EEF2: variants seen among roughly 807,000 people sequenced by gnomAD.
The protein encoded by EEF2 is elongation factor 2.
In EEF2, 21 loss-of-function variants were observed where a neutral mutation model predicts 85.3. The ratio of observed to expected loss-of-function variants is 0.25; its 90% CI spans 0.17 to 0.35. The LOEUF (loss-of-function observed/expected upper bound fraction) is 0.35. EEF2 is among the 10% of genes least tolerant of loss of function. The pLI is 1.00. For missense variants in EEF2, 825 were observed against 1,225.3 expected (o/e 0.67, Z 4.88); for synonymous variants, 723 against 508.8 (o/e 1.42, Z -5.67).
chr19:3,980,422 T>C, intron 9 of EEF2, 92 bp downstream of exon 9: 1 of 1,440,878 alleles, frequency 6.9e-7, no homozygotes, highest in East Asian at 2.3e-5. Flanking sequence ...CTATGCTCCT[T>C]ACTTCTAGCT....
At chr19:3,979,026 G>C (rs927694453) in intron 11 of EEF2, among the ~76,000 whole-genome samples, 1 of 151,970 alleles carries the variant, frequency 6.6e-6, no homozygotes, top group Non-Finnish European at 1.5e-5. Flanking sequence ...TACTCAGGAA[G>C]CTGAGTGAGG....
Position 3,979,816 on chromosome 19 carries a change from T to C in EEF2, c.1597A>G (p.Met533Val). The part of the protein sequence containing the change: ...GLKRLAKSDP[M>V]VQCIIEESGE... ...GTGCACTCCGTGCCCACCTGCACCA[T>C]GGGGTCGGACTTGGCCAGCCGCTTC... The change falls in exon 10 of 15, where the codon ATG becomes GTG. Residue 533 changes from methionine (M) to valine (V), a missense_variant. Physicochemically the swap from Met to Val is conservative, Grantham distance 21. Coordinates refer to ENST00000309311, the MANE Select transcript of EEF2 (RefSeq NM_001961.4). 1 of 1,612,542 alleles carries C rather than the reference T, an allele frequency of 6.2e-7. No individual in the cohort carries two copies. Among genetic ancestry groups the C allele is most frequent in the Non-Finnish European group, 8.5e-7 (1 of 1,179,616 alleles).
intron 11 of EEF2, among the ~76,000 whole-genome samples, chr19:3,978,737 A>G (rs558166620): frequency 7.1e-6 from 1 of 141,034 alleles, no homozygotes; most frequent in Admixed American, 7.6e-5. Context: ...TGGGAAGCAG[A>G]GCTTGCAGTG....
In EEF2 at chr19:3,982,556, G is replaced by A. The variant is rs74491743; in HGVS notation, c.613-132C>T. The stretch of plus-strand genomic sequence containing the variant: ...AGACATCTGGTCAAAGTGAAGAAAT[G>A]ATCAGTCATCACGAATAGGGGGGCC... On this transcript the variant is annotated intron_variant, in intron 4 of 14. Coordinates refer to ENST00000309311, the MANE Select transcript of EEF2 (RefSeq NM_001961.4). 7.7e-4 allele frequency: 986 copies of A among 1,283,324 alleles called. 5 individuals are homozygous for A. In the African/African-American group the frequency reaches 0.013, roughly 17 times the overall value. The allele number at this position is 1,283,324 out of a possible 1,614,324, so 79.5% of individuals were successfully genotyped here.
rs766418418 is a variant in EEF2, at chr19:3,982,506, G to A, written c.613-82C>T. 6 of 1,539,324 alleles carry A rather than the reference G, an allele frequency of 3.9e-6. No homozygotes were observed. In the South Asian group the frequency reaches 5.6e-5, roughly 14 times the overall value. ...TACGGGCTGGGCGCCTTGGGCATGG[G>A]CCTCAGACGCAGGCTTTCTTCAGTA... On this transcript the variant is annotated intron_variant, in intron 4 of 14. Transcript: ENST00000309311.
At chr19:3,979,593 G>T in intron 10 of EEF2, 157 bp from the exon 11 acceptor site, 1 of 923,556 alleles carries the variant, frequency 1.1e-6, no homozygotes, top group Non-Finnish European at 1.6e-6. Context: ...GAAATGTTAA[G>T]TCCCACAAGC....
rs376174565 is a variant in EEF2, at chr19:3,980,074, A to C, written c.1347-8T>G. 2.8e-5 allele frequency: 45 copies of C among 1,609,778 alleles called. No individual in the cohort carries two copies. The highest frequency in any genetic ancestry group is 1.3e-4 in the Admixed American group (8 of 59,976). On this transcript the variant is annotated splice_region_variant and splice_polypyrimidine_tract_variant and intron_variant, in intron 9 of 14. Transcript: ENST00000309311. ...CCCATCATCAAGATTGTTCTGGAAGAAGCAGAAGGCGGCAGCAGGCCGCAG... is the reference window on the plus strand; with the variant it reads ...CCCATCATCAAGATTGTTCTGGAAGCAGCAGAAGGCGGCAGCAGGCCGCAG...
In EEF2 at chr19:3,977,142, C is replaced by A. The variant is rs998037366; in HGVS notation, c.2383+73G>T. Reference sequence around the variant, plus strand: ...TCAGGACGCCTCCTTTAACACCTTGCTAAGCTTAACTGGGCTTCTGTCCCC... The same window carrying A: ...TCAGGACGCCTCCTTTAACACCTTGATAAGCTTAACTGGGCTTCTGTCCCC... On this transcript the variant is annotated intron_variant, in intron 14 of 14. Coordinates refer to ENST00000309311, the MANE Select transcript of EEF2 (RefSeq NM_001961.4). This position sits in a 1 kb window ranked among gnomAD's most constrained non-coding sequence, Gnocchi z 5.4. 3.8e-6 allele frequency: 6 copies of A among 1,572,154 alleles called. No homozygotes were observed. Among genetic ancestry groups the A allele is most frequent in the African/African-American group, 1.4e-5 (1 of 74,058 alleles).
chr19:3,982,753 G>A lies in EEF2; in HGVS notation c.612+54C>T, dbSNP rs1386921846. On this transcript the variant is annotated intron_variant, in intron 4 of 14. Coordinates refer to ENST00000309311, the MANE Select transcript of EEF2 (RefSeq NM_001961.4). ...CTCAGCTCAACTCCACTCCCCACCG[G>A]CTCCTGCAGATCCCGCTGCGGCAAG... 10 of 1,556,432 alleles carry A rather than the reference G, an allele frequency of 6.4e-6. 1 individual carries two copies. In the South Asian group the frequency reaches 9.2e-5, roughly 14 times the overall value.
At chr19:3,980,731 C>A (rs1321008390) in intron 8 of EEF2, 22 bp from the exon 9 acceptor site, 2 of 1,609,316 alleles carry the variant, frequency 1.2e-6, no homozygotes, top group South Asian at 2.2e-5. Context: ...AGAAAACCCG[C>A]AAGCTTTATT....
intron 1 of EEF2, 135 bp downstream of exon 1, chr19:3,985,243 G>A: frequency 9.7e-7 from 1 of 1,035,110 alleles, no homozygotes; most frequent in Non-Finnish European, 1.3e-6. Flanking sequence ...CGCTTCCCCA[G>A]CCCCGGGTCC....
At position 3,977,270 on chromosome 19, in the gene EEF2, C is replaced by A. The variant is rs2039689686; in HGVS notation, c.2328G>T (p.Val776=). 1 of 1,612,802 alleles carries A rather than the reference C, an allele frequency of 6.2e-7. No individual in the cohort carries two copies. Among genetic ancestry groups the A allele is most frequent in the South Asian group, 1.1e-5 (1 of 90,932 alleles). Residue 776 remains valine (V), a synonymous_variant, in exon 14 of 15, where the codon GTG becomes GTT. Transcript: ENST00000309311. This position sits in a 1 kb window ranked among gnomAD's most constrained non-coding sequence, Gnocchi z 5.4. The stretch of plus-strand genomic sequence containing the variant: ...TGACCACAAACATGGGGGTGCCGGC[C>A]ACCTGGGACTCCTCGAACACGTGGC... ...KRGHVFEESQ[V]AGTPMFVVKA...
At position 3,981,329 on chromosome 19, in the gene EEF2, C is replaced by CA. The variant is rs2039744069; in HGVS notation, c.1011+9dup. 17 of 1,613,570 alleles carry CA rather than the reference C, an allele frequency of 1.1e-5. 1 individual carries two copies. The East Asian group carries it at 3.6e-4, about 34-fold the overall frequency. ...TTCCCTCCACCCCGAGGGCTGGGCC[C>CA]AGGCCGCACCTTCAGCAGGGGTTTG... On this transcript the variant is annotated intron_variant, in intron 7 of 14. Coordinates refer to ENST00000309311, the MANE Select transcript of EEF2 (RefSeq NM_001961.4).
Position 3,977,999 on chromosome 19 carries a change from C to G in EEF2, c.1887G>C (p.Lys629Asn). 1 of 1,612,354 alleles carries G rather than the reference C, an allele frequency of 6.2e-7. No individual in the cohort carries two copies. The highest frequency in any genetic ancestry group is 8.5e-7 in the Non-Finnish European group (1 of 1,179,208). Residue 629 changes from lysine (K) to asparagine (N), a missense_variant, in exon 12 of 15, where the codon AAG becomes AAC. Physicochemically the swap from Lys to Asn is moderately conservative, Grantham distance 94. Transcript: ENST00000309311. The surrounding 1 kb of genome is among the most constrained non-coding windows in gnomAD (Gnocchi z 5.4). ...TCTCGGCCAGGTAGCGCGCCCGCTG[C>G]TTGAGCTCCTGACGGGCGGACACCT... ...KGEVSARQEL[K>N]QRARYLAEKY...
intron 3 of EEF2, 25 bp downstream of exon 3, chr19:3,983,085 T>C (rs375802093): frequency 9.3e-6 from 15 of 1,611,914 alleles, no homozygotes; most frequent in East Asian, 8.9e-5. Context: ...TTCCAGGCCG[T>C]GCCTCAGGGG....
chr19:3,982,639 G>A (rs569024041), intron 4 of EEF2, 168 bp downstream of exon 4: 6 of 1,096,772 alleles, frequency 5.5e-6, no homozygotes, highest in East Asian at 2.4e-5. Context: ...GCTGCCCAAA[G>A]ATCAAGGGCT....
chr19:3,982,236 C>CG lies in EEF2; in HGVS notation c.791+9dup. On this transcript the variant is annotated intron_variant, in intron 5 of 14. Transcript: ENST00000309311. ...GTCAGGAATCCCCCACCATATCCCGCGGGGCTCACCTGTCACCCCACAGCT... is the reference window on the plus strand; with the variant it reads ...GTCAGGAATCCCCCACCATATCCCGCGGGGGCTCACCTGTCACCCCACAGCT... 2 of 1,613,414 alleles carry CG rather than the reference C, an allele frequency of 1.2e-6. No individual in the cohort carries two copies. Among genetic ancestry groups the CG allele is most frequent in the South Asian group, 1.1e-5 (1 of 91,048 alleles).
intron 2 of EEF2, chr19:3,983,744 T>G: frequency 3.1e-6 from 1 of 318,732 alleles, no homozygotes; most frequent in East Asian, 7.4e-5. Context: ...GCGCTCCCCC[T>G]ACTCATATCG....
At chr19:3,979,279 G>C (rs567548388) in intron 11 of EEF2, 50 bp downstream of exon 11, 4 of 1,453,148 alleles carry the variant, frequency 2.8e-6, no homozygotes. Context: ...TAAAGCAGAG[G>C]GCAGGTGTCC....
Sources: allele counts gnomAD v4.1 joint callset (sites outside exome capture counted in the v4.1 genomes callset), GRCh38; gene constraint gnomAD v4.1.1; non-coding constraint Gnocchi (gnomAD v3.1); transcripts MANE v1.5; gene names NCBI Gene and HGNC (gene_info 2026-07-23, HGNC 2026-07-21).